Variants in PARP11 observed in about 807,000 individuals in gnomAD.
The protein encoded by PARP11 is poly(ADP-ribose) polymerase family member 11, also known as protein mono-ADP-ribosyltransferase PARP11.
A neutral mutation model predicts 42.9 loss-of-function variants in PARP11; 31 were observed. The observed-to-expected ratio is 0.72, with a 90% CI of 0.54 to 0.98. The LOEUF (loss-of-function observed/expected upper bound fraction) is 0.98, where lower values mean the gene tolerates loss of function less well. PARP11 is among the 50% of genes least tolerant of loss of function. The probability of loss-of-function intolerance (pLI) is 0.00; values close to 1 mark genes in which losing one functional copy is unlikely to be tolerated. For synonymous variants in PARP11, 137 were observed against 127.3 expected, an observed-to-expected ratio of 1.08 and a Z score of -0.51; for missense variants, 365 against 413.1, an observed-to-expected ratio of 0.88 and a Z score of 1.01.
In PARP11 at chr12:3,840,677, A is replaced by G. The variant is rs1947867284; in HGVS notation, c.19-10659T>C. The G allele has an allele frequency of 1.6e-6, 2 of 1,223,240 alleles. No homozygotes were observed. The highest frequency in any genetic ancestry group is 3.4e-5 in the Admixed American group (2 of 59,534). The allele number at this position is 1,223,240 out of a possible 1,614,324, so 75.8% of individuals were successfully genotyped here. On this transcript the variant is annotated intron_variant, in intron 1 of 7. Transcript: ENST00000228820. This position sits in a 1 kb window ranked among gnomAD's most constrained non-coding sequence, Gnocchi z 4.4. ...AAAATCATCACACGTAAGTGATAGA[A>G]AAGGAAGCAGGCGGAGAATGGATAC... is the stretch of plus-strand genomic sequence containing the variant.
At chr12:3,813,179 C>A (rs1947218639) in intron 7 of PARP11, among the ~76,000 whole-genome samples, 2 of 152,176 alleles carry the variant, frequency 1.3e-5, no homozygotes, top group Non-Finnish European at 2.9e-5. Flanking sequence ...CCCTTGTCAA[C>A]ATCCAGCAAA....
At chr12:3,859,150 A>G (rs1187781780) in intron 1 of PARP11, among the ~76,000 whole-genome samples, 1 of 152,072 alleles carries the variant, frequency 6.6e-6, no homozygotes. Context: ...ACTGTGTGTA[A>G]AAGGCATATA....
intron 6 of PARP11, among the ~76,000 whole-genome samples, chr12:3,820,087 TC>T (rs1239446148): frequency 6.6e-6 from 1 of 152,180 alleles, no homozygotes; most frequent in East Asian, 1.9e-4. Flanking sequence ...CTCCCATGAC[TC>T]CCTGTGCTGA....
intron 1 of PARP11, among the ~76,000 whole-genome samples, chr12:3,859,179 G>C (rs187156169): frequency 2.0e-5 from 3 of 151,862 alleles, no homozygotes; most frequent in Non-Finnish European, 4.4e-5. Flanking sequence ...ATAAATTCAT[G>C]TTTAGACTTG....
intron 1 of PARP11, among the ~76,000 whole-genome samples, chr12:3,848,613 G>A (rs1032541222): frequency 1.3e-5 from 2 of 151,986 alleles, no homozygotes; most frequent in Non-Finnish European, 2.9e-5. Context: ...ATTCGCAGAA[G>A]AATAAAACTA....
At chr12:3,818,926 C>A (rs1947342898) in intron 6 of PARP11, among the ~76,000 whole-genome samples, 1 of 152,098 alleles carries the variant, frequency 6.6e-6, no homozygotes, top group Non-Finnish European at 1.5e-5. Context: ...TGACCCTTGG[C>A]CCTCTTCTTT....
intron 1 of PARP11, 101 bp downstream of exon 1, chr12:3,873,111 A>T (rs1948523592): frequency 2.6e-6 from 3 of 1,153,444 alleles, no homozygotes; most frequent in Non-Finnish European, 3.8e-6. Context: ...CTCAACACCC[A>T]GACTGAAGCG....
Position 3,814,091 on chromosome 12 carries a change from T to A in PARP11, c.646A>T (p.Ile216Phe), listed in dbSNP as rs764119678. The A allele has an allele frequency of 6.2e-7, 1 of 1,609,508 alleles. No homozygotes were observed. Among genetic ancestry groups the A allele is most frequent in the Non-Finnish European group, 8.5e-7 (1 of 1,177,086 alleles). The change falls in exon 7 of 8, where the codon ATT becomes TTT. Residue 216 changes from isoleucine to phenylalanine, a missense_variant. Physicochemically the swap from Ile to Phe is conservative, Grantham distance 21. Coordinates refer to ENST00000228820, the MANE Select transcript of PARP11 (RefSeq NM_020367.6). ...TTTATTCTCCAATCAAAGTTATGAA[T>A]GCAGATTGCTTCCACAAATTCACTG... ...TSSEFVEAICIHNFDWRINGI... is the reference protein window; with the variant it reads ...TSSEFVEAICFHNFDWRINGI...
At chr12:3,824,080 C>T (rs879728094) in intron 4 of PARP11, among the ~76,000 whole-genome samples, 1 of 152,112 alleles carries the variant, frequency 6.6e-6, no homozygotes, top group East Asian at 1.9e-4. Context: ...TTTGAATGTA[C>T]CTACTGACAT....
intron 6 of PARP11, among the ~76,000 whole-genome samples, chr12:3,817,848 A>C (rs1346255811): frequency 1.3e-5 from 2 of 152,180 alleles, no homozygotes; most frequent in African/African-American, 4.8e-5. Flanking sequence ...GGAATTTTTT[A>C]AGGTAAAAAT....
chr12:3,814,463 A>T (rs192855083), intron 6 of PARP11, among the ~76,000 whole-genome samples: 2 of 152,330 alleles, frequency 1.3e-5, no homozygotes, highest in East Asian at 3.9e-4. Flanking sequence ...CAATATCATA[A>T]AGGTAATTGA....
chr12:3,853,346 G>C (rs1467733804), intron 1 of PARP11, among the ~76,000 whole-genome samples: 1 of 152,112 alleles, frequency 6.6e-6, no homozygotes, highest in Non-Finnish European at 1.5e-5. Context: ...TGGCAAATTG[G>C]ATAAAGAGTC....
chr12:3,854,660 A>G (rs1413703449), intron 1 of PARP11, among the ~76,000 whole-genome samples: 2 of 152,198 alleles, frequency 1.3e-5, no homozygotes, highest in Non-Finnish European at 1.5e-5. Context: ...TACCAACCAA[A>G]AAAAGTCCAG....
rs760459094 is a variant in PARP11, at chr12:3,814,087, T to C, written c.650A>G (p.His217Arg). The change falls in exon 7 of 8, where the codon CAT (histidine) becomes CGT (arginine). Residue 217 changes from histidine to arginine, a missense_variant. Coordinates refer to ENST00000228820, the MANE Select transcript of PARP11 (RefSeq NM_020367.6). ...SSEFVEAICI[H>R]NFDWRINGIH... ...ACCATTTATTCTCCAATCAAAGTTA[T>C]GAATGCAGATTGCTTCCACAAATTC... is the stretch of plus-strand genomic sequence containing the variant. The C allele has an allele frequency of 1.2e-6, 2 of 1,608,428 alleles. No individual in the cohort carries two copies. Among genetic ancestry groups the C allele is most frequent in the Non-Finnish European group, 1.7e-6 (2 of 1,176,394 alleles).
chr12:3,845,382 C>G (rs538138234), intron 1 of PARP11, among the ~76,000 whole-genome samples: 1 of 152,314 alleles, frequency 6.6e-6, no homozygotes, highest in African/African-American at 2.4e-5. Context: ...TGTATTCTTG[C>G]AGTGTGTTGT....
Position 3,840,428 on chromosome 12 carries a change from T to C in PARP11, c.19-10410A>G. The C allele has an allele frequency of 5.8e-5, 93 of 1,613,374 alleles. No individual in the cohort carries two copies. The highest frequency in any genetic ancestry group is 7.8e-5 in the Non-Finnish European group (92 of 1,179,266). ...AAGCCAATAAAAGCCCCATTAGCACTACCTCCTCGACTGCAGCATCCTTCA... is the reference window on the plus strand; with the variant it reads ...AAGCCAATAAAAGCCCCATTAGCACCACCTCCTCGACTGCAGCATCCTTCA... On this transcript the variant is annotated intron_variant, in intron 1 of 7. Coordinates refer to ENST00000228820, the MANE Select transcript of PARP11 (RefSeq NM_020367.6). The surrounding 1 kb of genome is among the most constrained non-coding windows in gnomAD (Gnocchi z 4.4).
chr12:3,825,484 C>A (rs972495620), intron 4 of PARP11, among the ~76,000 whole-genome samples: 1 of 152,102 alleles, frequency 6.6e-6, no homozygotes, highest in African/African-American at 2.4e-5. Context: ...ATTCTTACGG[C>A]CCCAGTAATT....
intron 1 of PARP11, among the ~76,000 whole-genome samples, chr12:3,870,214 T>C (rs554665540): frequency 5.3e-4 from 80 of 152,340 alleles, no homozygotes; most frequent in African/African-American, 1.8e-3. Context: ...AGAATGTTGA[T>C]TTTTAAAACC....
chr12:3,871,622 C>G (rs1948481947), intron 1 of PARP11: 1 of 152,114 alleles, frequency 6.6e-6, no homozygotes, highest in South Asian at 2.1e-4. Context: ...TGTATTTAGT[C>G]CAACAACTTG....
Sources: allele counts gnomAD v4.1 joint callset (sites outside exome capture counted in the v4.1 genomes callset), GRCh38; gene constraint gnomAD v4.1.1; non-coding constraint Gnocchi (gnomAD v3.1); transcripts MANE v1.5; gene names NCBI Gene and HGNC (gene_info 2026-07-23, HGNC 2026-07-21).